The following CHRDL1 variants were observed in gnomAD, a reference collection of about 807,000 sequenced individuals.
CHRDL1 encodes chordin-like protein 1.
A neutral mutation model predicts 40.9 loss-of-function variants in CHRDL1; 19 were observed. The observed-to-expected ratio is 0.46, with a 90% confidence interval of 0.32 to 0.68. CHRDL1 has a LOEUF of 0.68. CHRDL1 is among the 30% of genes least tolerant of loss of function. The probability of loss-of-function intolerance (pLI) is 0.03; values close to 1 mark genes in which losing one functional copy is unlikely to be tolerated. For missense variants in CHRDL1, 329 were observed against 352.1 expected (o/e 0.93, Z 0.53); for synonymous variants, 136 against 123.4 (o/e 1.10, Z -0.68).
Position 110,675,167 on chromosome X carries a change from G to A in CHRDL1, c.*1064C>T, listed in dbSNP as rs990986032. 21 of 111,763 alleles carry A rather than the reference G, an allele frequency of 1.9e-4. No individual in the cohort carries two copies. Among genetic ancestry groups the A allele is most frequent in the African/African-American group, 6.8e-4 (21 of 30,782 alleles). The allele number at this position is 111,763 out of a possible 1,213,427, so 9.2% of individuals were successfully genotyped here. On this transcript the variant is annotated 3_prime_UTR_variant, in exon 12 of 12. Coordinates refer to ENST00000372042, the MANE Select transcript of CHRDL1 (RefSeq NM_001143981.2). Reference sequence around the variant, plus strand: ...AGAAGGAAAACTTCCCTTTTAAAGAGCTTCTAGAATTTACTAATTTAATAT... The same window carrying A: ...AGAAGGAAAACTTCCCTTTTAAAGAACTTCTAGAATTTACTAATTTAATAT...
intron 4 of CHRDL1, among the ~76,000 whole-genome samples, chrX:110,753,440 GGGT>G (rs746633899): frequency 8.9e-6 from 1 of 111,791 alleles, no homozygotes; most frequent in East Asian, 2.8e-4. Context: ...TTTCCTTTTG[GGGT>G]GGTGAAAAAT....
At chrX:110,697,663 C>G (rs187269642) in intron 7 of CHRDL1, among the ~76,000 whole-genome samples, 1 of 109,461 alleles carries the variant, frequency 9.1e-6, no homozygotes, top group Non-Finnish European at 1.9e-5. Context: ...CTATCCCAAA[C>G]GCTTTCACTT....
chrX:110,787,482 T>C (rs1447172488), intron 2 of CHRDL1, among the ~76,000 whole-genome samples: 1 of 112,361 alleles, frequency 8.9e-6, no homozygotes, highest in African/African-American at 3.2e-5. Flanking sequence ...TCCACTTAAT[T>C]AAACTTCTAA....
intron 7 of CHRDL1, among the ~76,000 whole-genome samples, chrX:110,695,357 G>T (rs182512151): frequency 9.0e-6 from 1 of 111,472 alleles, no homozygotes; most frequent in African/African-American, 3.3e-5. Flanking sequence ...TCAAATACTT[G>T]TTGAGTGAAC....
intron 4 of CHRDL1, among the ~76,000 whole-genome samples, chrX:110,733,355 C>T (rs2071202797): frequency 9.0e-6 from 1 of 111,109 alleles, no homozygotes; most frequent in South Asian, 3.8e-4. Flanking sequence ...GAATGCTCTA[C>T]CTCTGATTGG....
chrX:110,717,808 AG>A (rs1386618912), intron 6 of CHRDL1, among the ~76,000 whole-genome samples: 2 of 111,916 alleles, frequency 1.8e-5, no homozygotes, highest in African/African-American at 6.5e-5. Context: ...TTAAAATGGC[AG>A]TAATGTATAG....
intron 4 of CHRDL1, among the ~76,000 whole-genome samples, chrX:110,744,952 C>T (rs1046772015): frequency 4.8e-5 from 5 of 103,502 alleles, no homozygotes; most frequent in African/African-American, 1.9e-4. Flanking sequence ...ATTTCTCCCT[C>T]TCTCTCATTC....
At chrX:110,792,794 C>T (rs1482220106) in intron 1 of CHRDL1, among the ~76,000 whole-genome samples, 22 of 112,089 alleles carry the variant, frequency 2.0e-4, no homozygotes, top group Non-Finnish European at 3.8e-5. Flanking sequence ...CAATTAAACA[C>T]CTGAAAAGTT....
intron 9 of CHRDL1, among the ~76,000 whole-genome samples, chrX:110,682,387 C>T (rs1183553946): frequency 8.9e-6 from 1 of 112,127 alleles, no homozygotes; most frequent in Admixed American, 9.4e-5. Context: ...TGTTGAATTT[C>T]AGCTCGCAGG....
chrX:110,761,685 A>G (rs1044261308), intron 3 of CHRDL1, among the ~76,000 whole-genome samples: 5 of 112,017 alleles, frequency 4.5e-5, no homozygotes, highest in Admixed American at 1.9e-4. Flanking sequence ...AATGCGCAGG[A>G]CAGCCCCCAA....
rs2069903374 is a variant in CHRDL1, at chrX:110,681,783, G to C, written c.989-134C>G. On this transcript the variant is annotated intron_variant, in intron 9 of 11. Coordinates refer to ENST00000372042, the MANE Select transcript of CHRDL1 (RefSeq NM_001143981.2). Reference sequence around the variant, plus strand: ...GACAATTAACAAGAACATTCTTCGAGAGACAGAAATTCCACCCATACTTCA... The same window carrying C: ...GACAATTAACAAGAACATTCTTCGACAGACAGAAATTCCACCCATACTTCA... 1.2e-5 allele frequency: 6 copies of C among 502,225 alleles called. No homozygotes were observed. In the South Asian group the frequency reaches 2.3e-4, roughly 19 times the overall value. 41.4% of individuals were successfully genotyped at this position (502,225 alleles called of 1,213,427 possible). A position where few individuals can be genotyped will look rare whatever the true frequency, so the allele number is the denominator to read the frequency against.
intron 4 of CHRDL1, among the ~76,000 whole-genome samples, chrX:110,731,921 C>T (rs1262079905): frequency 9.1e-6 from 1 of 109,687 alleles, no homozygotes; most frequent in Non-Finnish European, 1.9e-5. Context: ...TATACTAAAA[C>T]CAACTTTACA....
chrX:110,704,504 T>C (rs1272229675), intron 6 of CHRDL1, among the ~76,000 whole-genome samples: 1 of 111,042 alleles, frequency 9.0e-6, no homozygotes, highest in South Asian at 3.8e-4. Context: ...TAATATGTAA[T>C]AGGCCATGAG....
intron 7 of CHRDL1, among the ~76,000 whole-genome samples, chrX:110,698,824 C>T (rs1289660447): frequency 1.8e-5 from 2 of 111,690 alleles, no homozygotes; most frequent in Non-Finnish European, 3.7e-5. Flanking sequence ...GAATAAGTCA[C>T]ATAGCTTAAG....
chrX:110,701,913 G>A (rs2070522021), intron 6 of CHRDL1, among the ~76,000 whole-genome samples: 1 of 111,849 alleles, frequency 8.9e-6, no homozygotes, highest in African/African-American at 3.3e-5. Flanking sequence ...GCTTGAAAAC[G>A]ACCTAAAAAT....
At chrX:110,788,850 A>G (rs1264109227) in intron 2 of CHRDL1, among the ~76,000 whole-genome samples, 1 of 111,798 alleles carries the variant, frequency 8.9e-6, no homozygotes, top group South Asian at 3.7e-4. Context: ...TTAGTTCCCC[A>G]TTGCATACCA....
At chrX:110,736,244 A>C (rs1004266495) in intron 4 of CHRDL1, among the ~76,000 whole-genome samples, 5 of 112,365 alleles carry the variant, frequency 4.4e-5, no homozygotes, top group Non-Finnish European at 9.4e-5. Context: ...ACCCAGACCA[A>C]AATTCCTGAT....
At chrX:110,726,240 T>C (rs2071054469) in intron 4 of CHRDL1, among the ~76,000 whole-genome samples, 1 of 111,672 alleles carries the variant, frequency 9.0e-6, no homozygotes, top group South Asian at 3.9e-4. Flanking sequence ...GAAATTCATA[T>C]GTTGAAATCG....
intron 4 of CHRDL1, among the ~76,000 whole-genome samples, chrX:110,744,001 T>G (rs1296375187): frequency 9.0e-6 from 1 of 111,627 alleles, no homozygotes; most frequent in Non-Finnish European, 1.9e-5. Context: ...TAAACTTTTG[T>G]CAAACAACCT....
Sources: allele counts gnomAD v4.1 joint callset (sites outside exome capture counted in the v4.1 genomes callset), GRCh38; gene constraint gnomAD v4.1.1; transcripts MANE v1.5; gene names NCBI Gene and HGNC (gene_info 2026-07-23, HGNC 2026-07-21).